F8: variants seen among roughly 807,000 people sequenced by gnomAD.
F8 encodes the protein coagulation factor VIII.
In F8, 12 loss-of-function variants were observed where a neutral mutation model predicts 140.6. The ratio of observed to expected loss-of-function variants is 0.09; its 90% CI spans 0.05 to 0.14. The LOEUF is 0.14. Among genes scored for constraint, F8 ranks in the 10% least tolerant of loss-of-function variants. F8 has a pLI of 1.00. For synonymous variants in F8, 585 were observed against 614.6 expected (o/e 0.95, Z 0.71); for missense variants, 1,354 against 1,720.7 (o/e 0.79, Z 3.77).
At position 154,966,701 on chromosome X, in the gene F8, A is replaced by C. The variant is rs1557282072; in HGVS notation, c.1010-14T>G. 1 of 1,210,002 alleles carries C rather than the reference A, an allele frequency of 8.3e-7. No homozygotes were observed. The highest frequency in any genetic ancestry group is 1.1e-6 in the Non-Finnish European group (1 of 894,801). On this transcript the variant is annotated splice_polypyrimidine_tract_variant and intron_variant, in intron 7 of 25. Transcript: ENST00000360256. ...CTTCCATGCCATCTGGAGTCAGACA[A>C]ACCAAACAATGTCAGAGTGTCTTGC...
At chrX:154,961,044 A>T in intron 10 of F8, 31 bp downstream of exon 10, 1 of 970,243 alleles carries the variant, frequency 1.0e-6, no homozygotes, top group Middle Eastern at 2.6e-4. Context: ...TCTACAGGTA[A>T]AAAAGAGCTA....
chrX:154,895,874 A>G (rs1157043539), intron 22 of F8, among the ~76,000 whole-genome samples: 1 of 112,260 alleles, frequency 8.9e-6, no homozygotes, highest in East Asian at 2.8e-4. Flanking sequence ...CTATCAATAC[A>G]GCATCTCTTC....
rs781878934 is a variant in F8, at chrX:154,870,618, TC to T, written c.6430-7392del. On this transcript the variant is annotated intron_variant, in intron 22 of 25. Transcript: ENST00000360256. ...CTGAATGGGCAAAAACTGGAAGCAT[TC>T]CCTTTGAAAACTGGCACAAGACAGG... Among the ~76,000 whole-genome samples, 7 of 111,758 alleles carry T rather than the reference TC, an allele frequency of 6.3e-5. No homozygotes were observed. In the Admixed American group the frequency reaches 6.6e-4, roughly 11 times the overall value.
Position 154,930,951 on chromosome X carries a change from G to C in F8, c.2839C>G (p.Pro947Ala), listed in dbSNP as rs142964288. The C allele has an allele frequency of 8.4e-7, 1 of 1,194,081 alleles. No homozygotes were observed. The highest frequency in any genetic ancestry group is 1.1e-6 in the Non-Finnish European group (1 of 888,149). Residue 947 changes from proline (P) to alanine (A), a missense_variant, in exon 14 of 26, where the codon CCC becomes GCC. Around this residue, in one of 4 missense-constraint regions of F8, gnomAD observed 658 missense variants for 666.5 expected, o/e 0.99. Coordinates refer to ENST00000360256, the MANE Select transcript of F8 (RefSeq NM_000132.4). Reference protein sequence around the residue: ...DTTLFGKKSSPLTESGGPLSL... With the variant: ...DTTLFGKKSSALTESGGPLSL... ...AGAGGTCCACCAGACTCAGTAAGGG[G>C]AGATGACTTTTTGCCAAATAGAGTG... is the stretch of plus-strand genomic sequence containing the variant.
Position 154,999,464 on chromosome X carries a change from C to G in F8, c.265+15G>C. On this transcript the variant is annotated intron_variant, in intron 2 of 25. Transcript: ENST00000360256. ...ACCCAATTTCATAAATAGCATTCAA[C>G]ATTGTTTTCATTACCCATCCAGGGT... 1 of 1,200,768 alleles carries G rather than the reference C, an allele frequency of 8.3e-7. No individual in the cohort carries two copies. The highest frequency in any genetic ancestry group is 1.1e-6 in the Non-Finnish European group (1 of 888,012).
At chrX:154,844,652 A>G (rs1360331730) in intron 25 of F8, among the ~76,000 whole-genome samples, 1 of 111,515 alleles carries the variant, frequency 9.0e-6, no homozygotes, top group Non-Finnish European at 1.9e-5. Context: ...GTATCCTGAG[A>G]CTTTGCTGAA....
At chrX:154,925,419 C>T (rs1203564438) in intron 14 of F8, among the ~76,000 whole-genome samples, 1 of 111,804 alleles carries the variant, frequency 8.9e-6, no homozygotes, top group Admixed American at 9.4e-5. Context: ...CCTCCAGACC[C>T]CGGAATGGTA....
intron 1 of F8, among the ~76,000 whole-genome samples, chrX:155,005,262 T>C (rs2073670293): frequency 8.9e-6 from 1 of 111,859 alleles, no homozygotes; most frequent in Admixed American, 9.4e-5. Flanking sequence ...GGGCTGACAT[T>C]ACACAATGGA....
At position 154,930,765 on chromosome X, in the gene F8, A is replaced by C; in HGVS notation, c.3025T>G (p.Leu1009Val). The C allele has an allele frequency of 8.3e-7, 1 of 1,210,823 alleles. No individual in the cohort carries two copies. Among genetic ancestry groups the C allele is most frequent in the Non-Finnish European group, 1.1e-6 (1 of 894,590 alleles). Residue 1009 changes from leucine (L) to valine (V), a missense_variant, in exon 14 of 26, where the codon TTA (leucine) becomes GTA (valine). Leu to Val is a conservative substitution (Grantham distance 32). Around this residue, in one of 4 missense-constraint regions of F8, gnomAD observed 658 missense variants for 666.5 expected, o/e 0.99. Coordinates refer to ENST00000360256, the MANE Select transcript of F8 (RefSeq NM_000132.4). The stretch of plus-strand genomic sequence containing the variant: ...AACAAAGAGATGCTAACTTTGAATA[A>C]GGCATTATCTTTAGTCAACAAAGCA... ...GPALLTKDNA[L>V]FKVSISLLKT... is the part of the protein sequence containing the mutation.
chrX:154,924,848 T>C (rs1356540164), intron 14 of F8, among the ~76,000 whole-genome samples: 1 of 112,613 alleles, frequency 8.9e-6, no homozygotes, highest in Non-Finnish European at 1.9e-5. Flanking sequence ...AGCCACAGCC[T>C]GAGCTCTACA....
In F8 at chrX:154,931,604, C is replaced by G. The variant is rs782299650; in HGVS notation, c.2186G>C (p.Ser729Thr). 1.7e-6 allele frequency: 2 copies of G among 1,211,698 alleles called. No homozygotes were observed. The highest frequency in any genetic ancestry group is 3.5e-5 in the South Asian group (2 of 56,988). Residue 729 changes from serine (S) to threonine (T), a missense_variant, in exon 14 of 26, where the codon AGT becomes ACT. Ser to Thr is a moderately conservative substitution (Grantham distance 58). Around this residue, in one of 4 missense-constraint regions of F8, gnomAD observed 252 missense variants for 338.5 expected, o/e 0.74. Transcript: ENST00000360256. ...ATAATCACCAGTGTTCTTGTCACAACTAGAAACCTTCAGTAAGGCGGTCAT... is the reference window on the plus strand; with the variant it reads ...ATAATCACCAGTGTTCTTGTCACAAGTAGAAACCTTCAGTAAGGCGGTCAT... Reference protein sequence around the residue: ...RGMTALLKVSSCDKNTGDYYE... With the variant: ...RGMTALLKVSTCDKNTGDYYE...
At chrX:154,872,312 A>G (rs1043997762) in intron 22 of F8, among the ~76,000 whole-genome samples, 8 of 112,180 alleles carry the variant, frequency 7.1e-5, no homozygotes, top group South Asian at 3.7e-4. Flanking sequence ...ATGTCCATCA[A>G]TGATAGACTG....
chrX:154,930,345 C>T lies in F8; in HGVS notation c.3445G>A (p.Val1149Ile). ...SGQGPSPKQL[V>I]SLGPEKSVEG... ...ACAGATTTTTCTGGTCCTAAGGATA[C>T]TAATTGCTTTGGACTGGGGCCTTGC... Residue 1149 changes from valine to isoleucine, a missense_variant, in exon 14 of 26, where the codon GTA becomes ATA. By Grantham distance (29) the Val-to-Ile change is conservative. Around this residue, in one of 4 missense-constraint regions of F8, gnomAD observed 658 missense variants for 666.5 expected, o/e 0.99. Transcript: ENST00000360256. 1.7e-6 allele frequency: 2 copies of T among 1,210,730 alleles called. No individual in the cohort carries two copies. The highest frequency in any genetic ancestry group is 3.0e-5 in the East Asian group (1 of 33,842).
chrX:154,982,344 G>C, intron 6 of F8, among the ~76,000 whole-genome samples: 1 of 104,579 alleles, frequency 9.6e-6, no homozygotes, highest in East Asian at 3.0e-4. Flanking sequence ...CTACTCGGGA[G>C]GCTGAGGCAG....
At chrX:154,843,474 A>T (rs2148558400) in intron 25 of F8, among the ~76,000 whole-genome samples, 1 of 111,781 alleles carries the variant, frequency 8.9e-6, no homozygotes, top group Non-Finnish European at 1.9e-5. Flanking sequence ...CTGACTTTTT[A>T]ATGATCGCCA....
At position 154,836,477 on chromosome X, in the gene F8, A is replaced by G. The variant is rs943540664; in HGVS notation, c.*1120T>C. On this transcript the variant is annotated 3_prime_UTR_variant, in exon 26 of 26. Transcript: ENST00000360256. ...TGTTTTTTCTGTTTTCACCAGTCCA[A>G]TTTTCTTCTGACCTCCTTGATATTT... 1.7e-4 allele frequency: 19 copies of G among 111,107 alleles called. No individual in the cohort carries two copies. Among genetic ancestry groups the G allele is most frequent in the African/African-American group, 3.9e-4 (12 of 30,518 alleles). 9.2% of individuals were successfully genotyped at this position (111,107 alleles called of 1,213,427 possible). A position where few individuals can be genotyped will look rare whatever the true frequency, so the allele number is the denominator to read the frequency against.
chrX:154,845,743 G>C (rs868942427), intron 25 of F8, among the ~76,000 whole-genome samples: 2 of 111,597 alleles, frequency 1.8e-5, no homozygotes, highest in African/African-American at 6.5e-5. Flanking sequence ...CAAAAAACCA[G>C]TTCCTGGATT....
At position 154,929,810 on chromosome X, in the gene F8, G is replaced by A. The variant is rs200520711; in HGVS notation, c.3980C>T (p.Thr1327Met). 535 of 1,209,828 alleles carry A rather than the reference G, an allele frequency of 4.4e-4. No homozygotes were observed. The highest frequency in any genetic ancestry group is 5.8e-4 in the Non-Finnish European group (523 of 895,017). The change falls in exon 14 of 26, where the codon ACG becomes ATG. Residue 1327 changes from threonine to methionine, a missense_variant. Thr to Met is a moderately conservative substitution (Grantham distance 81, BLOSUM62 -1). Around this residue, in one of 4 missense-constraint regions of F8, gnomAD observed 658 missense variants for 666.5 expected, o/e 0.99. Transcript: ENST00000360256. ...TTTCAAAGCTCTCTTACTACGTTGC[G>A]TGACAAAATTCTGCTGGCTTGTATT... Reference protein sequence around the residue: ...SPNTSQQNFVTQRSKRALKQF... With the variant: ...SPNTSQQNFVMQRSKRALKQF...
intron 10 of F8, among the ~76,000 whole-genome samples, chrX:154,958,475 T>A (rs2073376534): frequency 8.9e-6 from 1 of 112,024 alleles, no homozygotes; most frequent in Non-Finnish European, 1.9e-5. Flanking sequence ...AAAAGCAGGT[T>A]ACCAGTAACT....
Sources: allele counts gnomAD v4.1 joint callset (sites outside exome capture counted in the v4.1 genomes callset), GRCh38; gene constraint gnomAD v4.1.1; regional missense constraint gnomAD v4.1.1; transcripts MANE v1.5; gene names NCBI Gene and HGNC (gene_info 2026-07-23, HGNC 2026-07-21).